TREM1: variants seen among roughly 807,000 people sequenced by gnomAD.
The protein encoded by TREM1 is triggering receptor expressed on monocytes 1.
TREM1 carries 16 observed loss-of-function variants against 22.4 expected under a neutral mutation model. That is an observed-to-expected ratio of 0.71 (90% confidence interval 0.48 to 1.08). The LOEUF is 1.08. TREM1 is among the 50% of genes least tolerant of loss of function. The pLI is 0.00. For missense variants in TREM1, 283 were observed against 282.9 expected (o/e 1.00, Z 0.00); for synonymous variants, 110 against 111.6 (o/e 0.99, Z 0.09).
intron 3 of TREM1, among the ~76,000 whole-genome samples, chr6:41,276,806 G>A (rs933660459): frequency 2.6e-5 from 4 of 152,050 alleles, no homozygotes; most frequent in African/African-American, 9.7e-5. Context: ...AAGACACAGG[G>A]ACAGACAGAT....
At position 41,275,937 on chromosome 6, in the gene TREM1, A is replaced by G. The variant is rs1767646031; in HGVS notation, c.*188T>C. The G allele has an allele frequency of 1.0e-5, 6 of 590,550 alleles. No individual in the cohort carries two copies. The South Asian group carries it at 1.2e-4, about 12-fold the overall frequency. The allele number at this position is 590,550 out of a possible 1,614,324, so 36.6% of individuals were successfully genotyped here. A position where few individuals can be genotyped will look rare whatever the true frequency, so the allele number is the denominator to read the frequency against. On this transcript the variant is annotated 3_prime_UTR_variant, in exon 4 of 4. Coordinates refer to ENST00000244709, the MANE Select transcript of TREM1 (RefSeq NM_018643.5). ...CTTCTTTTCTGAGGCACAAATGCCCACCCAAGATTATTAGAGGAACGAGGG... is the reference window on the plus strand; with the variant it reads ...CTTCTTTTCTGAGGCACAAATGCCCGCCCAAGATTATTAGAGGAACGAGGG...
At chr6:41,286,473 G>C in intron 1 of TREM1, 134 bp downstream of exon 1, 2 of 822,594 alleles carry the variant, frequency 2.4e-6, no homozygotes, top group South Asian at 1.6e-5. Flanking sequence ...ATTCTGGGTA[G>C]AGCAGCACGG....
intron 2 of TREM1, chr6:41,281,412 T>C (rs1767916151): frequency 1.0e-5 from 5 of 486,052 alleles, no homozygotes; most frequent in South Asian, 9.1e-5. Flanking sequence ...GGGCAGGAAG[T>C]GAGGGAGAGC....
intron 1 of TREM1, among the ~76,000 whole-genome samples, chr6:41,286,195 T>C (rs1768161327): frequency 6.6e-6 from 1 of 152,204 alleles, no homozygotes; most frequent in South Asian, 2.1e-4. Context: ...TGCTGTCCCA[T>C]AGTAGACCCC....
rs1767552715 is a variant in TREM1, at chr6:41,273,620, G to T, written c.*2505C>A. Among the ~76,000 whole-genome samples, 1 of 152,222 alleles carries T rather than the reference G, an allele frequency of 6.6e-6. No individual in the cohort carries two copies. The highest frequency in any genetic ancestry group is 1.5e-5 in the Non-Finnish European group (1 of 68,030). ...GGCTCATTGAAACTGGGTAATTGAG[G>T]AGCATTTAATAAACATGTGCATAGA... On this transcript the variant is annotated 3_prime_UTR_variant, in exon 4 of 4. Coordinates refer to ENST00000244709, the MANE Select transcript of TREM1 (RefSeq NM_018643.5).
intron 3 of TREM1, among the ~76,000 whole-genome samples, chr6:41,279,138 A>C (rs947152700): frequency 8.5e-5 from 13 of 152,218 alleles, no homozygotes; most frequent in African/African-American, 2.9e-4. Context: ...AGCCAAGCAG[A>C]GACGACCATC....
chr6:41,286,556 C>T (rs139911337), intron 1 of TREM1, 51 bp downstream of exon 1: 564 of 1,606,482 alleles, frequency 3.5e-4, no homozygotes, highest in African/African-American at 1.8e-3. Context: ...AAGGGCTCCC[C>T]GAGATCCTGG....
downstream of TREM1, among the ~76,000 whole-genome samples, chr6:41,271,849 G>A (rs1275599529): frequency 1.3e-5 from 2 of 152,086 alleles, no homozygotes; most frequent in Non-Finnish European, 2.9e-5. Context: ...TCCCATTAGT[G>A]GGCACTTCTG....
rs141661509 is a variant in TREM1, at chr6:41,281,170, T to C, written c.407-17A>G. On this transcript the variant is annotated splice_polypyrimidine_tract_variant and intron_variant, in intron 2 of 3. Coordinates refer to ENST00000244709, the MANE Select transcript of TREM1 (RefSeq NM_018643.5). Reference sequence around the variant, plus strand: ...CTGAAAAACCTGCAAGAAGACACATTGGATGGATGGATGGACAGATGGATG... The same window carrying C: ...CTGAAAAACCTGCAAGAAGACACATCGGATGGATGGATGGACAGATGGATG... 5.6e-5 allele frequency: 90 copies of C among 1,608,612 alleles called. No individual in the cohort carries two copies. The highest frequency in any genetic ancestry group is 1.7e-4 in the Middle Eastern group (1 of 6,014).
chr6:41,270,420 G>A (rs2449826), downstream of TREM1, among the ~76,000 whole-genome samples: 18 of 139,952 alleles, frequency 1.3e-4, no homozygotes, highest in South Asian at 4.5e-3. Flanking sequence ...ATATGTGTCT[G>A]TTTGCACATA....
downstream of TREM1, chr6:41,269,951 G>A (rs1176009660): frequency 3.3e-5 from 5 of 152,272 alleles, no homozygotes; most frequent in South Asian, 2.1e-4. Context: ...GCACTAATAC[G>A]CCTCAAGTCC....
At chr6:41,270,446 A>AATATATATATATATATATATATAT (rs68021402), downstream of TREM1, among the ~76,000 whole-genome samples, 30 of 144,050 alleles carry the variant, frequency 2.1e-4, no homozygotes, top group African/African-American at 7.7e-4. Context: ...GATATTATAT[A>AATATATATATATATATATATATAT]ATATATATAT....
intron 1 of TREM1, among the ~76,000 whole-genome samples, chr6:41,285,495 C>A (rs999837765): frequency 1.6e-4 from 25 of 152,152 alleles, no homozygotes; most frequent in Non-Finnish European, 3.2e-4. Context: ...CTGGTTCCAC[C>A]TAAAGCACTG....
chr6:41,286,553 C>A, intron 1 of TREM1, 54 bp downstream of exon 1: 2 of 1,601,686 alleles, frequency 1.2e-6, no homozygotes, highest in South Asian at 2.2e-5. Flanking sequence ...GAAAAGGGCT[C>A]CCCGAGATCC....
chr6:41,276,686 G>A (rs991585697), intron 3 of TREM1, among the ~76,000 whole-genome samples: 7 of 152,096 alleles, frequency 4.6e-5, no homozygotes, highest in Non-Finnish European at 1.0e-4. Flanking sequence ...TAAGGTTTCT[G>A]GGTAAACATC....
chr6:41,278,129 T>C (rs1303969817), intron 3 of TREM1, among the ~76,000 whole-genome samples: 1 of 151,738 alleles, frequency 6.6e-6, no homozygotes, highest in Non-Finnish European at 1.5e-5. Context: ...TCTTGCTATG[T>C]TGCCCAAGCT....
Position 41,286,667 on chromosome 6 carries a change from A to G in TREM1, c.-12T>C, listed in dbSNP as rs1410971597. On this transcript the variant is annotated 5_prime_UTR_variant, in exon 1 of 4. Transcript: ENST00000244709. Reference sequence around the variant, plus strand: ...CTGGTCTTCCTCATCCTTCCTGTGCACCAGCTCCAACTGCTGCTGAGGGCT... The same window carrying G: ...CTGGTCTTCCTCATCCTTCCTGTGCGCCAGCTCCAACTGCTGCTGAGGGCT... 12 of 1,613,862 alleles carry G rather than the reference A, an allele frequency of 7.4e-6. No individual in the cohort carries two copies. The highest frequency in any genetic ancestry group is 1.3e-5 in the African/African-American group (1 of 74,904).
intron 3 of TREM1, chr6:41,268,162 C>G (rs949916149): frequency 7.0e-5 from 28 of 397,988 alleles, no homozygotes; most frequent in African/African-American, 5.3e-4. Flanking sequence ...TTTCACTTGG[C>G]ATCCTTTATG....
At chr6:41,284,272 A>G (rs922930090) in intron 1 of TREM1, among the ~76,000 whole-genome samples, 1 of 152,124 alleles carries the variant, frequency 6.6e-6, no homozygotes, top group African/African-American at 2.4e-5. Context: ...AGGCTAAGCA[A>G]TCTACAGTGC....
Sources: gnomAD v4.1 joint callset for allele counts (sites outside exome capture counted in the v4.1 genomes callset) on GRCh38, gnomAD v4.1.1 for gene constraint, MANE v1.5 for transcripts, NCBI Gene and HGNC (gene_info 2026-07-23, HGNC 2026-07-21) for gene names.